GPS1: variants seen among roughly 807,000 people sequenced by gnomAD.
The protein encoded by GPS1 is COP9 signalosome complex subunit 1.
Under a neutral mutation model 60.0 loss-of-function variants are expected in GPS1, and 11 were observed. That is an observed-to-expected ratio of 0.18 (90% CI 0.12 to 0.30). GPS1 has a LOEUF of 0.30. Among genes scored for constraint, GPS1 ranks in the 10% least tolerant of loss-of-function variants. GPS1 has a pLI of 1.00. For synonymous variants in GPS1, 343 were observed against 269.8 expected (o/e 1.27, Z -2.66); for missense variants, 543 against 669.2 (o/e 0.81, Z 2.08).
chr17:82,054,472 G>A (rs755196906), intron 3 of GPS1, 38 bp from the exon 4 acceptor site: 16 of 1,455,276 alleles, frequency 1.1e-5, no homozygotes, highest in African/African-American at 1.4e-5. Flanking sequence ...CCTGGCCCCC[G>A]TGACCGCCGC....
rs761636383 is a variant in GPS1, at chr17:82,054,506, T to C, written c.309-4T>C. The stretch of plus-strand genomic sequence containing the variant: ...GCCATCCTGATGGCCAGGTCCTCTC[T>C]CAGGGAGCTGCAGAACGCACCCGAC... On this transcript the variant is annotated splice_region_variant and splice_polypyrimidine_tract_variant and intron_variant, in intron 3 of 12. Coordinates refer to ENST00000578552, the MANE Select transcript of GPS1 (RefSeq NM_001321092.3). 4 of 1,510,054 alleles carry C rather than the reference T, an allele frequency of 2.6e-6. No homozygotes were observed. The highest frequency in any genetic ancestry group is 3.5e-6 in the Non-Finnish European group (4 of 1,131,948). 93.5% of individuals were successfully genotyped at this position (1,510,054 alleles called of 1,614,324 possible).
In GPS1 at chr17:82,057,180, C is replaced by G. The variant is rs2033025275; in HGVS notation, c.*53C>G. On this transcript the variant is annotated 3_prime_UTR_variant, in exon 13 of 13. Transcript: ENST00000578552. Reference sequence around the variant, plus strand: ...TGCACCCCCTCCCCACCTCCACGGACCTCGGACCTCCAGGCGGCTCAGTGC... The same window carrying G: ...TGCACCCCCTCCCCACCTCCACGGAGCTCGGACCTCCAGGCGGCTCAGTGC... 1 of 1,577,240 alleles carries G rather than the reference C, an allele frequency of 6.3e-7. No homozygotes were observed. The highest frequency in any genetic ancestry group is 1.1e-5 in the South Asian group (1 of 87,142).
In GPS1 at chr17:82,052,199, G is replaced by A. The variant is rs866027456; in HGVS notation, c.33+235G>A. 1.2e-5 allele frequency: 17 copies of A among 1,455,376 alleles called. No individual in the cohort carries two copies. The South Asian group carries it at 1.6e-4, about 13-fold the overall frequency. 90.2% of individuals were successfully genotyped at this position (1,455,376 alleles called of 1,614,324 possible). Reference sequence around the variant, plus strand: ...CGCGCCCGCCCCGCCTCCCCTCCCAGCAGCTCACGGGAGAGGTTCCCGGCC... The same window carrying A: ...CGCGCCCGCCCCGCCTCCCCTCCCAACAGCTCACGGGAGAGGTTCCCGGCC... On this transcript the variant is annotated intron_variant, in intron 1 of 12. Coordinates refer to ENST00000578552, the MANE Select transcript of GPS1 (RefSeq NM_001321092.3).
chr17:82,055,927 C>A, intron 7 of GPS1, 74 bp from the exon 8 acceptor site: 1 of 1,440,864 alleles, frequency 6.9e-7, no homozygotes, highest in Non-Finnish European at 9.7e-7. Flanking sequence ...CTTAGGCATT[C>A]TCCGAGCGGG....
At chr17:82,051,487 G>C, upstream of GPS1, 1 of 1,368,324 alleles carries the variant, frequency 7.3e-7, no homozygotes, top group Non-Finnish European at 9.4e-7. This position sits in a 1 kb window ranked among gnomAD's most constrained non-coding sequence, Gnocchi z 4.1. Context: ...GTCGGGGTCG[G>C]GGTCCGGCGC....
At chr17:82,055,035 C>T (rs999941438) in intron 5 of GPS1, 60 bp downstream of exon 5, 3 of 1,603,054 alleles carry the variant, frequency 1.9e-6, no homozygotes, top group Admixed American at 1.7e-5. Context: ...CTGGCCCCTC[C>T]TGTCCTCCCC....
intron 6 of GPS1, 196 bp downstream of exon 6, chr17:82,055,418 G>C: frequency 3.1e-6 from 2 of 647,812 alleles, no homozygotes; most frequent in Non-Finnish European, 5.5e-6. Context: ...CGTGTGGTCA[G>C]GGTCTGGCTG....
At position 82,053,887 on chromosome 17, in the gene GPS1, C is replaced by A. The variant is rs138637070; in HGVS notation, c.146C>A (p.Ala49Asp). The A allele has an allele frequency of 1.2e-6, 2 of 1,611,122 alleles. No homozygotes were observed. The highest frequency in any genetic ancestry group is 1.7e-6 in the Non-Finnish European group (2 of 1,179,552). ...TCCCAGGATCTGGAACAGTACGCGGCCAGCTACAGCGGCCTGATGCGCATC... is the reference window on the plus strand; with the variant it reads ...TCCCAGGATCTGGAACAGTACGCGGACAGCTACAGCGGCCTGATGCGCATC... ...NPSLDLEQYA[A>D]SYSGLMRIER... Residue 49 changes from alanine to aspartate, a missense_variant, in exon 3 of 13, where the codon GCC becomes GAC. Ala to Asp is a moderately radical substitution (Grantham distance 126). This residue lies in a region of GPS1 where 181 missense variants were observed against 188.8 expected (regional missense o/e 0.96). Coordinates refer to ENST00000578552, the MANE Select transcript of GPS1 (RefSeq NM_001321092.3).
At chr17:82,055,710 C>A (rs745321677) in intron 6 of GPS1, 30 bp from the exon 7 acceptor site, 4 of 1,457,172 alleles carry the variant, frequency 2.7e-6, no homozygotes, top group Admixed American at 2.0e-5. Context: ...CCCCCTCTCC[C>A]CCCTCCCCGC....
At chr17:82,056,161 C>T (rs1280869773) in intron 8 of GPS1, 66 bp downstream of exon 8, 11 of 1,429,358 alleles carry the variant, frequency 7.7e-6, no homozygotes, top group Non-Finnish European at 1.1e-5. Flanking sequence ...CTGCTTCGGC[C>T]TTGCATGTCC....
intron 1 of GPS1, 24 bp from the exon 2 acceptor site, chr17:82,053,250 C>T: frequency 6.6e-7 from 1 of 1,519,446 alleles, no homozygotes; most frequent in Non-Finnish European, 8.7e-7. Context: ...GGACGAGGTG[C>T]CAGGTGCCTG....
rs2030759064 is a variant in GPS1 at position 82,051,996 on chromosome 17, G to GCCCCCGCGC, written c.33+40_33+48dup. 1 of 1,145,618 alleles carries GCCCCCGCGC rather than the reference G, an allele frequency of 8.7e-7. No homozygotes were observed. Among genetic ancestry groups the GCCCCCGCGC allele is most frequent in the Admixed American group, 4.8e-5 (1 of 20,646 alleles). 71.0% of individuals were successfully genotyped at this position (1,145,618 alleles called of 1,614,324 possible). On this transcript the variant is annotated intron_variant, in intron 1 of 12. Transcript: ENST00000578552. This position sits in a 1 kb window ranked among gnomAD's most constrained non-coding sequence, Gnocchi z 4.1. ...AGCCGAGGCCGCCCCGGGCCTCCGC[G>GCCCCCGCGC]CCCCCGCGCCCCCCGCCACTGGGGC...
intron 3 of GPS1, 148 bp downstream of exon 3, chr17:82,054,197 T>G: frequency 1.1e-6 from 1 of 895,230 alleles, no homozygotes; most frequent in Non-Finnish European, 1.7e-6. Flanking sequence ...TGGCCAGCAG[T>G]GGAAGTGCCC....
chr17:82,051,865 G>A, upstream of GPS1: 3 of 1,149,100 alleles, frequency 2.6e-6, 1 homozygote, highest in South Asian at 4.0e-5. This position sits in a 1 kb window ranked among gnomAD's most constrained non-coding sequence, Gnocchi z 4.1. Context: ...GCCCCGCCCC[G>A]CGCCCCGGAA....
At chr17:82,055,132 G>T in intron 5 of GPS1, 30 bp from the exon 6 acceptor site, 1 of 1,563,378 alleles carries the variant, frequency 6.4e-7, no homozygotes, top group Non-Finnish European at 8.7e-7. Context: ...TGTGGAGCAT[G>T]GGCCTCACGC....
intron 1 of GPS1, 79 bp from the exon 2 acceptor site, chr17:82,053,195 C>T (rs2031486664): frequency 8.6e-7 from 1 of 1,163,616 alleles, no homozygotes; most frequent in Non-Finnish European, 1.1e-6. Flanking sequence ...CAGAGCTGAC[C>T]TCAGAGAACA....
At chr17:82,051,214 C>A, upstream of GPS1, 1 of 1,306,090 alleles carries the variant, frequency 7.7e-7, no homozygotes, top group East Asian at 3.1e-5. This position sits in a 1 kb window ranked among gnomAD's most constrained non-coding sequence, Gnocchi z 4.1. Context: ...GCACCCACAG[C>A]AGCGAAGGGG....
chr17:82,054,281 A>G, intron 3 of GPS1: 1 of 742,750 alleles, frequency 1.3e-6, no homozygotes, highest in Non-Finnish European at 2.1e-6. Context: ...ACTGTGGCTC[A>G]GGGGCCGCCT....
chr17:82,054,261 G>A, intron 3 of GPS1: 2 of 735,532 alleles, frequency 2.7e-6, no homozygotes, highest in Non-Finnish European at 4.3e-6. Flanking sequence ...TCCAAGGGGA[G>A]CTGTTGGAGA....
Sources: allele counts gnomAD v4.1 joint callset, GRCh38; gene constraint gnomAD v4.1.1; regional missense constraint gnomAD v4.1.1; non-coding constraint Gnocchi (gnomAD v3.1); transcripts MANE v1.5; gene names NCBI Gene and HGNC (gene_info 2026-07-23, HGNC 2026-07-21).